Variants in MAP2 observed in about 807,000 individuals in gnomAD.
The protein encoded by MAP2 is microtubule associated protein 2.
A neutral mutation model predicts 137.6 loss-of-function variants in MAP2; 14 were observed. That is an observed-to-expected ratio of 0.10 (90% CI 0.07 to 0.16). The LOEUF is 0.16. Ranked by LOEUF, MAP2 falls within the 10% of genes least tolerant of loss-of-function variation. The pLI is 1.00. For missense variants in MAP2, 2,088 were observed against 2,191.5 expected, an observed-to-expected ratio of 0.95 and a Z score of 0.94; for synonymous variants, 786 against 782.3, an observed-to-expected ratio of 1.00 and a Z score of -0.08.
chr2:209,453,113 C>T (rs970875536), intron 1 of MAP2, among the ~76,000 whole-genome samples: 3 of 152,034 alleles, frequency 2.0e-5, no homozygotes, highest in East Asian at 1.9e-4. Flanking sequence ...GTGGCTTATA[C>T]GAAAACACAA....
At chr2:209,668,713 T>A (rs1219264002) in intron 5 of MAP2, among the ~76,000 whole-genome samples, 1 of 152,096 alleles carries the variant, frequency 6.6e-6, no homozygotes, top group African/African-American at 2.4e-5. Flanking sequence ...GCAAAAAGTA[T>A]TTTAACTATC....
chr2:209,663,860 A>C (rs1238116922), intron 5 of MAP2, among the ~76,000 whole-genome samples: 1 of 152,224 alleles, frequency 6.6e-6, no homozygotes, highest in East Asian at 1.9e-4. Context: ...GCATTTGCCG[A>C]ATGTAAATGG....
chr2:209,631,034 A>AG (rs1241910062), intron 4 of MAP2, among the ~76,000 whole-genome samples: 1 of 100,696 alleles, frequency 9.9e-6, no homozygotes, highest in Non-Finnish European at 1.8e-5. Context: ...AAAAAAAAAA[A>AG]AGAGAGAGAG....
Position 209,542,024 on chromosome 2 carries a change from G to A in MAP2, c.-172+34383G>A, listed in dbSNP as rs191082403. Among the ~76,000 whole-genome samples the A allele has an allele frequency of 4.3e-3, 659 of 152,256 alleles. 11 individuals carry two copies. The highest frequency in any genetic ancestry group is 0.015 in the African/African-American group (630 of 41,544). On this transcript the variant is annotated intron_variant, in intron 2 of 15. Transcript: ENST00000682079. ...TTTACTTTGCCCATATCCATCAGAG[G>A]ATGCACAATCTGTGGTAGCTACAGC...
At chr2:209,542,966 G>T (rs540465638) in intron 2 of MAP2, among the ~76,000 whole-genome samples, 3 of 152,028 alleles carry the variant, frequency 2.0e-5, no homozygotes, top group African/African-American at 2.4e-5. Context: ...TTTCATTTGC[G>T]TTCACAATTT....
intron 15 of MAP2, 35 bp from the exon 16 acceptor site, chr2:209,730,147 A>G (rs771498524): frequency 5.7e-5 from 89 of 1,556,060 alleles, no homozygotes; most frequent in Non-Finnish European, 7.8e-5. Context: ...GTTAAGATGC[A>G]TGAGTTAACG....
chr2:209,629,927 A>G (rs1020175485), intron 4 of MAP2, among the ~76,000 whole-genome samples: 21 of 152,172 alleles, frequency 1.4e-4, no homozygotes, highest in Non-Finnish European at 2.1e-4. Flanking sequence ...GGAATTCTGT[A>G]GGCAGAGGTG....
At chr2:209,601,221 T>C (rs2082891364) in intron 3 of MAP2, among the ~76,000 whole-genome samples, 1 of 152,218 alleles carries the variant, frequency 6.6e-6, no homozygotes, top group African/African-American at 2.4e-5. Flanking sequence ...TTTTTATTTT[T>C]ATTTAGTAAC....
chr2:209,652,078 C>T (rs1274182184), intron 4 of MAP2, among the ~76,000 whole-genome samples: 1 of 152,122 alleles, frequency 6.6e-6, no homozygotes, highest in African/African-American at 2.4e-5. Context: ...AGACGATAAG[C>T]CATCAATAAG....
intron 2 of MAP2, among the ~76,000 whole-genome samples, chr2:209,515,699 C>T (rs2150326968): frequency 6.6e-6 from 1 of 152,198 alleles, no homozygotes; most frequent in Middle Eastern, 3.4e-3. Flanking sequence ...CAAACCATAT[C>T]AGTAGGTATT....
At position 209,496,345 on chromosome 2, in the gene MAP2, C is replaced by T. The variant is rs139650509; in HGVS notation, c.-221-11247C>T. Among the ~76,000 whole-genome samples, 445 of 152,230 alleles carry T rather than the reference C, an allele frequency of 2.9e-3. 3 individuals carry two copies. In the Middle Eastern group the frequency reaches 0.034, roughly 12 times the overall value. The stretch of plus-strand genomic sequence containing the variant: ...TATGGGCTTACACATAGCCAGCACT[C>T]TATTAATGTTATATCTACCTGTCAA... On this transcript the variant is annotated intron_variant, in intron 1 of 15. Transcript: ENST00000682079.
intron 3 of MAP2, among the ~76,000 whole-genome samples, chr2:209,584,424 A>C (rs1222312034): frequency 6.6e-6 from 1 of 152,168 alleles, no homozygotes; most frequent in African/African-American, 2.4e-5. Context: ...TTAGAAGATA[A>C]AGTTGTATCA....
At chr2:209,702,534 G>A (rs999520128) in intron 11 of MAP2, among the ~76,000 whole-genome samples, 3 of 151,638 alleles carry the variant, frequency 2.0e-5, no homozygotes, top group African/African-American at 7.3e-5. Context: ...CATATTAGTT[G>A]TATATATTTA....
intron 1 of MAP2, among the ~76,000 whole-genome samples, chr2:209,431,522 A>T (rs532594234): frequency 2.8e-4 from 43 of 152,250 alleles, no homozygotes; most frequent in African/African-American, 9.6e-4. Flanking sequence ...GAATTAGAGA[A>T]TGTTTGATGG....
At chr2:209,724,176 T>C (rs1234690597) in intron 13 of MAP2, among the ~76,000 whole-genome samples, 1 of 152,198 alleles carries the variant, frequency 6.6e-6, no homozygotes, top group Non-Finnish European at 1.5e-5. Flanking sequence ...TTTAGAATAA[T>C]ACAAAACTGG....
intron 1 of MAP2, among the ~76,000 whole-genome samples, chr2:209,447,635 A>G (rs1339238754): frequency 2.0e-5 from 3 of 152,030 alleles, no homozygotes; most frequent in South Asian, 2.1e-4. Flanking sequence ...GAGGGTATCA[A>G]TTCTTGATAC....
chr2:209,470,481 T>C (rs1433861234), intron 1 of MAP2, among the ~76,000 whole-genome samples: 1 of 149,594 alleles, frequency 6.7e-6, no homozygotes, highest in Non-Finnish European at 1.5e-5. Flanking sequence ...ATATATATTA[T>C]ATATATAATT....
chr2:209,476,316 C>T (rs1007371729), intron 1 of MAP2, among the ~76,000 whole-genome samples: 2 of 151,726 alleles, frequency 1.3e-5, no homozygotes, highest in African/African-American at 2.4e-5. Flanking sequence ...AGTAAACCGA[C>T]GCTGAAGAAA....
At chr2:209,678,828 C>T in intron 6 of MAP2, 143 bp downstream of exon 6, 2 of 440,206 alleles carry the variant, frequency 4.5e-6, no homozygotes, top group Non-Finnish European at 8.2e-6. Flanking sequence ...TGGGTATGCA[C>T]TAGGACCTAT....
Sources: gnomAD v4.1 joint callset for allele counts (sites outside exome capture counted in the v4.1 genomes callset) on GRCh38, gnomAD v4.1.1 for gene constraint, MANE v1.5 for transcripts, NCBI Gene and HGNC (gene_info 2026-07-23, HGNC 2026-07-21) for gene names.